Variants in AGBL1 observed in about 807,000 individuals in gnomAD.
AGBL1 encodes AGBL carboxypeptidase 1.
AGBL1 carries 130 observed loss-of-function variants against 118.9 expected under a neutral mutation model. That is an observed-to-expected ratio of 1.09 (90% CI 0.95 to 1.26). The LOEUF is 1.26. Ranked by LOEUF, AGBL1 falls within the 50% of genes most tolerant of loss-of-function variation. The pLI, the probability that AGBL1 is intolerant of heterozygous loss-of-function variation, is 0.00. For synonymous variants in AGBL1, 555 were observed against 478.9 expected (o/e 1.16, Z -2.08); for missense variants, 1,584 against 1,298.1 (o/e 1.22, Z -3.38).
At position 86,162,415 on chromosome 15, in the gene AGBL1, C is replaced by G. The variant is rs1320102837; in HGVS notation, c.488+3389C>G. Among the ~76,000 whole-genome samples, 3 of 152,178 alleles carry G rather than the reference C, an allele frequency of 2.0e-5. No homozygotes were observed. In the South Asian group the frequency reaches 6.2e-4, roughly 32 times the overall value. On this transcript the variant is annotated intron_variant, in intron 5 of 22. Transcript: ENST00000614907. ...TGTGCAGCTGTCCTCCAATGAAGCT[C>G]TGTCTCCAGATAGTACTCAGGGCAA...
chr15:86,400,614 T>C (rs1401556028), intron 18 of AGBL1, among the ~76,000 whole-genome samples: 2 of 134,122 alleles, frequency 1.5e-5, no homozygotes, highest in Non-Finnish European at 3.1e-5. Context: ...ACCCCCCAAC[T>C]CTTCCCCCAC....
At chr15:86,906,987 C>G (rs2080289350) in intron 22 of AGBL1, 100 bp from the exon 23 acceptor site, 2 of 152,216 alleles carry the variant, frequency 1.3e-5, no homozygotes. Context: ...TCTCCTCTTC[C>G]CCATCTTCCT....
intron 22 of AGBL1, among the ~76,000 whole-genome samples, chr15:86,827,291 GTATATATATA>G (rs1182771082): frequency 2.9e-4 from 11 of 37,504 alleles, no homozygotes; most frequent in South Asian, 2.7e-3. Flanking sequence ...GGGTGTGTAT[GTATATATATA>G]TGTATATATA....
chr15:86,725,221 C>G (rs975872099), intron 22 of AGBL1, among the ~76,000 whole-genome samples: 4 of 152,162 alleles, frequency 2.6e-5, no homozygotes, highest in African/African-American at 7.2e-5. Flanking sequence ...TACATTGTTT[C>G]ATTCAAGGAG....
intron 22 of AGBL1, among the ~76,000 whole-genome samples, chr15:86,906,296 CTGCTCACAATA>C (rs1435615542): frequency 5.3e-5 from 8 of 152,368 alleles, no homozygotes; most frequent in African/African-American, 1.9e-4. Context: ...GAAACTCCCC[CTGCTCACAATA>C]TGCTGTAAAG....
chr15:86,875,139 T>G (rs2079788957), intron 22 of AGBL1, among the ~76,000 whole-genome samples: 1 of 152,180 alleles, frequency 6.6e-6, no homozygotes, highest in Non-Finnish European at 1.5e-5. Flanking sequence ...AGAAAACGTG[T>G]CACAATTTCT....
chr15:86,520,995 C>G, intron 18 of AGBL1, among the ~76,000 whole-genome samples: 1 of 151,892 alleles, frequency 6.6e-6, no homozygotes, highest in South Asian at 2.1e-4. Flanking sequence ...GATGTCATTG[C>G]TATTAAAAAC....
At chr15:86,557,374 T>C (rs1461167122) in intron 21 of AGBL1, among the ~76,000 whole-genome samples, 1 of 152,216 alleles carries the variant, frequency 6.6e-6, no homozygotes, top group African/African-American at 2.4e-5. Context: ...CAAAGGCATG[T>C]GGCTGGGCCC....
chr15:86,933,344 G>A (rs751377700), intron 23 of AGBL1, among the ~76,000 whole-genome samples: 3 of 152,116 alleles, frequency 2.0e-5, no homozygotes, highest in Admixed American at 1.3e-4. Flanking sequence ...TTTGGGGGAT[G>A]AAACCAAAAG....
intron 21 of AGBL1, among the ~76,000 whole-genome samples, chr15:86,632,865 C>A (rs1041516167): frequency 6.6e-6 from 1 of 151,862 alleles, no homozygotes; most frequent in Non-Finnish European, 1.5e-5. Flanking sequence ...TTGTTTCTTA[C>A]CTTTCTTGTC....
chr15:86,141,013 G>C (rs1234194167), intron 1 of AGBL1, among the ~76,000 whole-genome samples: 1 of 152,224 alleles, frequency 6.6e-6, no homozygotes, highest in Non-Finnish European at 1.5e-5. Flanking sequence ...TCTTATGGAA[G>C]ATTAAGGCTT....
intron 22 of AGBL1, among the ~76,000 whole-genome samples, chr15:86,855,111 C>A (rs371902051): frequency 1.7e-4 from 26 of 152,164 alleles, no homozygotes; most frequent in African/African-American, 6.3e-4. Context: ...GTTGTTACTG[C>A]ATCATTTTTA....
chr15:86,575,732 G>C (rs1028095028), intron 21 of AGBL1, among the ~76,000 whole-genome samples: 1 of 151,744 alleles, frequency 6.6e-6, no homozygotes, highest in Non-Finnish European at 1.5e-5. Flanking sequence ...TGGGCCTACA[G>C]GTACACACCA....
chr15:86,212,901 C>T (rs996146485), intron 5 of AGBL1, among the ~76,000 whole-genome samples: 5 of 152,200 alleles, frequency 3.3e-5, no homozygotes, highest in Admixed American at 6.5e-5. Context: ...CCACCCGCCT[C>T]GGCCTCCCAA....
chr15:86,996,321 T>C (rs1229794813), intron 24 of AGBL1, among the ~76,000 whole-genome samples: 1 of 152,184 alleles, frequency 6.6e-6, no homozygotes, highest in Non-Finnish European at 1.5e-5. Flanking sequence ...CCTTTCCAGA[T>C]ACTAAGCCCC....
intron 22 of AGBL1, among the ~76,000 whole-genome samples, chr15:86,837,778 GAGA>G (rs2079189101): frequency 6.6e-6 from 1 of 152,304 alleles, no homozygotes; most frequent in African/African-American, 2.4e-5. Flanking sequence ...GAGCGTGAGA[GAGA>G]AGACTACATT....
At position 86,267,017 on chromosome 15, in the gene AGBL1, T is replaced by C. The variant is rs375981386; in HGVS notation, c.1779T>C (p.Cys593=). Residue 593 remains cysteine (C), a synonymous_variant, in exon 13 of 23, where the codon TGT becomes TGC. Transcript: ENST00000614907. ...PWPLQDNASN[C]LRFFSKFESG... ...CTTTGCAAGACAATGCTTCCAATTG[T>C]TTACGGTTCTTCTCCAAATTTGAGT... 1.9e-6 allele frequency: 3 copies of C among 1,571,040 alleles called. No individual in the cohort carries two copies. Among genetic ancestry groups the C allele is most frequent in the Non-Finnish European group, 2.6e-6 (3 of 1,156,728 alleles).
intron 22 of AGBL1, among the ~76,000 whole-genome samples, chr15:86,834,669 T>C (rs541482074): frequency 1.3e-5 from 2 of 152,264 alleles, no homozygotes; most frequent in African/African-American, 4.8e-5. Context: ...AGGCTGCGTG[T>C]TTTGCCCAGT....
At chr15:86,342,746 T>C (rs961016189) in intron 17 of AGBL1, among the ~76,000 whole-genome samples, 2 of 152,140 alleles carry the variant, frequency 1.3e-5, no homozygotes, top group South Asian at 2.1e-4. Context: ...GTTATGATGA[T>C]TAAATGAAAT....
Sources: gnomAD v4.1 joint callset for allele counts (sites outside exome capture counted in the v4.1 genomes callset) on GRCh38, gnomAD v4.1.1 for gene constraint, MANE v1.5 for transcripts, NCBI Gene and HGNC (gene_info 2026-07-23, HGNC 2026-07-21) for gene names.